The following ADAM12 variants were observed in gnomAD, a reference collection of about 807,000 sequenced individuals.
The protein encoded by ADAM12 is ADAM metallopeptidase domain 12.
ADAM12 carries 70 observed loss-of-function variants against 106.4 expected under a neutral mutation model. That is an observed-to-expected ratio of 0.66 (90% CI 0.54 to 0.80). The LOEUF is 0.80. Ranked by LOEUF, ADAM12 falls within the 30% of genes least tolerant of loss-of-function variation. ADAM12 has a pLI of 0.00. For missense variants in ADAM12, 1,010 were observed against 1,171.9 expected (o/e 0.86, Z 2.02); for synonymous variants, 420 against 433.5 (o/e 0.97, Z 0.39).
intron 1 of ADAM12, among the ~76,000 whole-genome samples, chr10:126,371,994 G>T (rs1856127690): frequency 6.6e-6 from 1 of 152,184 alleles, no homozygotes; most frequent in South Asian, 2.1e-4. Context: ...ATTTGAAAGA[G>T]TTCACATTAT....
At chr10:126,201,836 A>G (rs1368898106) in intron 3 of ADAM12, among the ~76,000 whole-genome samples, 1 of 152,238 alleles carries the variant, frequency 6.6e-6, no homozygotes, top group Non-Finnish European at 1.5e-5. Flanking sequence ...AAGACCAGGC[A>G]GAAACAAAAA....
intron 2 of ADAM12, among the ~76,000 whole-genome samples, chr10:126,279,494 T>TG (rs1815896679): frequency 2.8e-5 from 1 of 35,816 alleles, no homozygotes; most frequent in Non-Finnish European, 5.5e-5. Context: ...GGGGGTGGGG[T>TG]GGGGGTGGAT....
At chr10:126,056,087 T>C (rs1203879684) in intron 14 of ADAM12, among the ~76,000 whole-genome samples, 5 of 152,228 alleles carry the variant, frequency 3.3e-5, no homozygotes, top group African/African-American at 1.2e-4. Flanking sequence ...CACTCTGCCA[T>C]TAATTCATCC....
intron 14 of ADAM12, among the ~76,000 whole-genome samples, chr10:126,060,086 C>T (rs1231864959): frequency 2.6e-5 from 4 of 152,170 alleles, no homozygotes; most frequent in African/African-American, 9.7e-5. Context: ...ATTATACTCT[C>T]AGCCAACGAG....
intron 3 of ADAM12, among the ~76,000 whole-genome samples, chr10:126,186,313 TGA>T (rs1416575398): frequency 6.6e-6 from 1 of 152,036 alleles, no homozygotes; most frequent in Admixed American, 6.6e-5. Context: ...GAAGAAAAAG[TGA>T]GAGTCTATTG....
intron 16 of ADAM12, among the ~76,000 whole-genome samples, chr10:126,048,545 G>A (rs986755911): frequency 2.0e-5 from 3 of 152,020 alleles, no homozygotes; most frequent in Admixed American, 6.6e-5. Flanking sequence ...CCTCATGTTA[G>A]TGAGTGATTT....
chr10:126,215,952 A>G (rs1364293613), intron 3 of ADAM12, among the ~76,000 whole-genome samples: 1 of 152,180 alleles, frequency 6.6e-6, no homozygotes, highest in Admixed American at 6.5e-5. Context: ...CATTCCTTGA[A>G]GACATCTGTA....
At chr10:126,311,723 T>C (rs7097403) in intron 2 of ADAM12, among the ~76,000 whole-genome samples, 17,171 of 152,160 alleles carry the variant, frequency 0.11, 1,277 homozygotes, top group African/African-American at 0.19. Context: ...AACACATCCA[T>C]GTGCCAGGAG....
chr10:126,281,471 A>C (rs912822195), intron 2 of ADAM12, among the ~76,000 whole-genome samples: 1 of 152,346 alleles, frequency 6.6e-6, no homozygotes, highest in East Asian at 1.9e-4. Context: ...TTCCACATAA[A>C]GTACTAGAAG....
rs150830412 is a variant in ADAM12, at chr10:126,160,222, C to T, written c.261-4917G>A. On this transcript the variant is annotated intron_variant, in intron 3 of 22. Coordinates refer to ENST00000448723, the MANE Select transcript of ADAM12 (RefSeq NM_001288973.2). Reference sequence around the variant, plus strand: ...TGCAAAATGCAGGCGGTGAATGTTACGTGCGCTCACCACAAAAATGGTAAC... The same window carrying T: ...TGCAAAATGCAGGCGGTGAATGTTATGTGCGCTCACCACAAAAATGGTAAC... Among the ~76,000 whole-genome samples, 398 of 152,278 alleles carry T rather than the reference C, an allele frequency of 2.6e-3. 13 individuals carry two copies. The East Asian group carries it at 0.067, about 26-fold the overall frequency.
chr10:126,321,918 T>A (rs1041141933), intron 2 of ADAM12, among the ~76,000 whole-genome samples: 9 of 140,344 alleles, frequency 6.4e-5, no homozygotes, highest in Admixed American at 2.9e-4. Flanking sequence ...GGGGGGGGCT[T>A]CAGCAACCTC....
chr10:126,274,196 G>A (rs1017122500), intron 3 of ADAM12, among the ~76,000 whole-genome samples: 1 of 152,224 alleles, frequency 6.6e-6, no homozygotes, highest in Admixed American at 6.5e-5. Flanking sequence ...GTTGGCGGAA[G>A]AGGAAAGGAA....
intron 3 of ADAM12, among the ~76,000 whole-genome samples, chr10:126,256,396 T>A (rs1958893114): frequency 6.6e-6 from 1 of 152,192 alleles, no homozygotes; most frequent in African/African-American, 2.4e-5. Flanking sequence ...TGGGCAAGTG[T>A]CTAAACCTCC....
intron 3 of ADAM12, among the ~76,000 whole-genome samples, chr10:126,221,836 T>C (rs1424482897): frequency 1.3e-5 from 2 of 152,238 alleles, no homozygotes; most frequent in Non-Finnish European, 2.9e-5. Flanking sequence ...AACTCTACTA[T>C]GTTAAAAGAG....
intron 1 of ADAM12, among the ~76,000 whole-genome samples, chr10:126,344,528 A>C (rs1855061230): frequency 6.6e-6 from 1 of 152,098 alleles, no homozygotes; most frequent in South Asian, 2.1e-4. Flanking sequence ...TTCCATATGA[A>C]CTTTAAAGTA....
Position 126,025,619 on chromosome 10 carries a change from C to G in ADAM12, c.2530-5794G>C, listed in dbSNP as rs144741928. Among the ~76,000 whole-genome samples, 1,457 of 152,190 alleles carry G rather than the reference C, an allele frequency of 9.6e-3. 8 individuals are homozygous for G. The highest frequency in any genetic ancestry group is 0.016 in the Non-Finnish European group (1,083 of 68,002). ...GAGCCCCCCCAGCAAATTGCAGCAG[C>G]CTTACGGAAGAGTGGCCAGACTGTT... On this transcript the variant is annotated intron_variant, in intron 21 of 22. Transcript: ENST00000448723.
In ADAM12 at chr10:126,101,343, C is replaced by A. The variant is rs1955664233; in HGVS notation, c.742-102G>T. ...TTGCGTTATTTGAGGGTCACTGACA[C>A]AGGTGAGAAAAATATCTCTGTGCTC... is the stretch of plus-strand genomic sequence containing the variant. On this transcript the variant is annotated intron_variant, in intron 8 of 22. Coordinates refer to ENST00000448723, the MANE Select transcript of ADAM12 (RefSeq NM_001288973.2). 3 of 1,183,502 alleles carry A rather than the reference C, an allele frequency of 2.5e-6. No homozygotes were observed. The Admixed American group carries it at 6.5e-5, about 26-fold the overall frequency. The allele number at this position is 1,183,502 out of a possible 1,614,324, so 73.3% of individuals were successfully genotyped here.
At chr10:126,239,860 G>T (rs1958488859) in intron 3 of ADAM12, among the ~76,000 whole-genome samples, 1 of 152,196 alleles carries the variant, frequency 6.6e-6, no homozygotes, top group African/African-American at 2.4e-5. Flanking sequence ...CCAGCATCTT[G>T]CCCCATGATG....
Position 126,118,144 on chromosome 10 carries a change from G to A in ADAM12, c.497C>T (p.Ala166Val), listed in dbSNP as rs181811173. Residue 166 changes from alanine (A) to valine (V), a missense_variant, in exon 6 of 23, where the codon GCG becomes GTG. Ala to Val is a moderately conservative substitution (Grantham distance 64). Coordinates refer to ENST00000448723, the MANE Select transcript of ADAM12 (RefSeq NM_001288973.2). ...TCCCCGGACGCTTTTCAGCTTCTTC[G>A]CTGGGAAGAGTTTGTATCTGTTGGT... is the stretch of plus-strand genomic sequence containing the variant. ...SATNRYKLFP[A>V]KKLKSVRGSC... 88 of 1,614,046 alleles carry A rather than the reference G, an allele frequency of 5.5e-5. No homozygotes were observed. The highest frequency in any genetic ancestry group is 6.9e-5 in the Non-Finnish European group (81 of 1,179,918).
Sources: allele counts gnomAD v4.1 joint callset (sites outside exome capture counted in the v4.1 genomes callset), GRCh38; gene constraint gnomAD v4.1.1; transcripts MANE v1.5; gene names NCBI Gene and HGNC (gene_info 2026-07-23, HGNC 2026-07-21).